NRP2: variants seen among roughly 807,000 people sequenced by gnomAD.
NRP2 encodes the protein neuropilin-2.
In NRP2, 52 loss-of-function variants were observed where a neutral mutation model predicts 110.4. The observed-to-expected ratio is 0.47, with a 90% CI of 0.38 to 0.59. The LOEUF (loss-of-function observed/expected upper bound fraction) is 0.59. NRP2 is among the 20% of genes least tolerant of loss of function. NRP2 has a pLI of 0.00. For missense variants in NRP2, 1,049 were observed against 1,203.0 expected (o/e 0.87, Z 1.89); for synonymous variants, 508 against 468.9 (o/e 1.08, Z -1.08).
intron 15 of NRP2, among the ~76,000 whole-genome samples, chr2:205,774,042 T>C (rs1278844077): frequency 2.0e-5 from 3 of 152,082 alleles, no homozygotes; most frequent in Non-Finnish European, 4.4e-5. Flanking sequence ...AGGACACCCT[T>C]TGGGGAGAGA....
chr2:205,740,414 G>T (rs1449986430), intron 7 of NRP2, 105 bp from the exon 8 acceptor site: 1 of 1,260,772 alleles, frequency 7.9e-7, no homozygotes, highest in Admixed American at 1.7e-5. Flanking sequence ...TAAGCTTGAG[G>T]GAAAGAAAAT....
Position 205,794,977 on chromosome 2 carries a change from G to A in NRP2, c.2700G>A (p.Leu900=). ...TGAGCTCCCGAAGCTGCACCACACT[G>A]GAGAACTACAACTTCGAGCTCTACG... ...SGLSSRSCTT[L]ENYNFELYDG... is the part of the protein sequence containing the mutation. Residue 900 remains leucine, a synonymous_variant, in exon 17 of 17, where the codon CTG becomes CTA. Transcript: ENST00000357785. 1 of 1,614,108 alleles carries A rather than the reference G, an allele frequency of 6.2e-7. No homozygotes were observed. Among genetic ancestry groups the A allele is most frequent in the Non-Finnish European group, 8.5e-7 (1 of 1,180,016 alleles).
intron 11 of NRP2, 44 bp from the exon 12 acceptor site, chr2:205,752,791 C>T (rs1320495871): frequency 2.5e-6 from 4 of 1,610,728 alleles, no homozygotes; most frequent in Non-Finnish European, 3.4e-6. Flanking sequence ...TTCTCTGAAC[C>T]CATTTCATTT....
rs1272019952 is a variant in NRP2 at position 205,725,818 on chromosome 2, G to A, written c.821-95G>A. On this transcript the variant is annotated intron_variant, in intron 5 of 16. Coordinates refer to ENST00000357785, the MANE Select transcript of NRP2 (RefSeq NM_003872.3). The surrounding 1 kb of genome is among the most constrained non-coding windows in gnomAD (Gnocchi z 4.1). ...GGGTCTTTTAAATGAGGAAGTGCCT[G>A]CAAGGACTTGTCCCTAGAAGGGAGG... The A allele has an allele frequency of 2.3e-6, 3 of 1,283,136 alleles. No homozygotes were observed. In the African/African-American group the frequency reaches 4.4e-5, roughly 19 times the overall value. The allele number at this position is 1,283,136 out of a possible 1,614,324, so 79.5% of individuals were successfully genotyped here.
At chr2:205,683,555 A>AGTGTGTGTGTGT (rs60199072) in intron 1 of NRP2, among the ~76,000 whole-genome samples, 192 bp downstream of exon 1, 4 of 150,022 alleles carry the variant, frequency 2.7e-5, no homozygotes, top group African/African-American at 7.3e-5. Context: ...TCCTGCTAGG[A>AGTGTGTGTGTGT]GTGTGTGTGT....
At chr2:205,776,392 C>G in intron 15 of NRP2, 3 of 1,613,438 alleles carry the variant, frequency 1.9e-6, no homozygotes, top group Non-Finnish European at 2.5e-6. Flanking sequence ...CCACTACCAC[C>G]GGTTCCGCTA....
intron 8 of NRP2, among the ~76,000 whole-genome samples, chr2:205,742,614 G>C (rs763218879): frequency 1.2e-4 from 18 of 152,196 alleles, no homozygotes; most frequent in African/African-American, 3.9e-4. Context: ...GCAGTAAAGA[G>C]CAGTTATTTG....
intron 15 of NRP2, chr2:205,776,938 C>T: frequency 3.4e-6 from 4 of 1,165,898 alleles, no homozygotes; most frequent in Non-Finnish European, 4.3e-6. Flanking sequence ...TGTGTATGTA[C>T]ATAGTAGACA....
chr2:205,767,163 A>G (rs1460409144), intron 15 of NRP2: 2 of 347,074 alleles, frequency 5.8e-6, no homozygotes, highest in Non-Finnish European at 1.1e-5. Context: ...AAAAAAAATC[A>G]GTATAAATTA....
chr2:205,791,239 G>A (rs2058298571), intron 15 of NRP2, among the ~76,000 whole-genome samples: 2 of 152,068 alleles, frequency 1.3e-5, no homozygotes, highest in South Asian at 4.1e-4. Context: ...TTGATTTTTG[G>A]ATTTCAATTT....
intron 15 of NRP2, among the ~76,000 whole-genome samples, chr2:205,774,735 AAG>A (rs1217311761): frequency 1.3e-5 from 2 of 152,206 alleles, no homozygotes; most frequent in Admixed American, 1.3e-4. Flanking sequence ...CCCCAGATCA[AAG>A]AGAGGAGTTC....
intron 1 of NRP2, among the ~76,000 whole-genome samples, chr2:205,687,121 G>C (rs942354756): frequency 3.9e-5 from 6 of 152,064 alleles, no homozygotes; most frequent in African/African-American, 1.4e-4. Context: ...GGGTTTTAAC[G>C]CCATTGCCAT....
At chr2:205,706,852 G>C (rs2056688628) in intron 2 of NRP2, among the ~76,000 whole-genome samples, 1 of 152,174 alleles carries the variant, frequency 6.6e-6, no homozygotes, top group Non-Finnish European at 1.5e-5. Context: ...CCCCGGCACT[G>C]ATGCCTCCTC....
intron 7 of NRP2, among the ~76,000 whole-genome samples, chr2:205,734,077 G>A (rs1196450041): frequency 6.6e-6 from 1 of 152,164 alleles, no homozygotes; most frequent in Non-Finnish European, 1.5e-5. Context: ...GAGGATGAGA[G>A]CAGAGGTCAT....
rs61151109 is a variant in NRP2 at position 205,791,696 on chromosome 2, A to G, written c.2426-539A>G. Among the ~76,000 whole-genome samples, 670 of 152,354 alleles carry G rather than the reference A, an allele frequency of 4.4e-3. 11 individuals carry two copies. The highest frequency in any genetic ancestry group is 0.015 in the African/African-American group (632 of 41,580). ...TGAGAAATATTAGCACAGATATGTG[A>G]AGGTCAACAGGCATTATGACATGCC... On this transcript the variant is annotated intron_variant, in intron 15 of 16. Coordinates refer to ENST00000357785, the MANE Select transcript of NRP2 (RefSeq NM_003872.3).
At chr2:205,690,285 C>A (rs1213438177) in intron 1 of NRP2, among the ~76,000 whole-genome samples, 2 of 152,016 alleles carry the variant, frequency 1.3e-5, no homozygotes, top group Non-Finnish European at 2.9e-5. Context: ...TGAAACCAAG[C>A]ACAAGAAAAT....
At chr2:205,723,671 G>T in intron 4 of NRP2, 114 bp from the exon 5 acceptor site, 1 of 1,047,618 alleles carries the variant, frequency 9.5e-7, no homozygotes. Flanking sequence ...TTTATGGCAA[G>T]ATGTACAAAG....
intron 6 of NRP2, 37 bp from the exon 7 acceptor site, chr2:205,727,854 G>A (rs752072493): frequency 6.3e-7 from 1 of 1,595,328 alleles, no homozygotes; most frequent in Non-Finnish European, 8.5e-7. Context: ...CCTGTGTTGG[G>A]AATGGTGGTC....
Position 205,763,705 on chromosome 2 carries a change from C to T in NRP2, c.2076C>T (p.Asp692=), listed in dbSNP as rs2057861947. 1 of 1,614,118 alleles carries T rather than the reference C, an allele frequency of 6.2e-7. No homozygotes were observed. The highest frequency in any genetic ancestry group is 8.5e-7 in the Non-Finnish European group (1 of 1,180,050). ...GGAATTTCTTGCGGCTGCAGAGTGA[C>T]AGCCAGAGAGAGGGCCAGTATGCCC... is the stretch of plus-strand genomic sequence containing the variant. ...DDRNFLRLQS[D]SQREGQYARL... Residue 692 remains aspartate (D), a synonymous_variant, in exon 13 of 17, where the codon GAC becomes GAT. Coordinates refer to ENST00000357785, the MANE Select transcript of NRP2 (RefSeq NM_003872.3). The surrounding 1 kb of genome is among the most constrained non-coding windows in gnomAD (Gnocchi z 4.0).
Sources: gnomAD v4.1 joint callset for allele counts (sites outside exome capture counted in the v4.1 genomes callset) on GRCh38, gnomAD v4.1.1 for gene constraint, Gnocchi (gnomAD v3.1) non-coding constraint, MANE v1.5 for transcripts, NCBI Gene and HGNC (gene_info 2026-07-23, HGNC 2026-07-21) for gene names.